The following DAB1 variants were observed in gnomAD, a reference collection of about 807,000 sequenced individuals.
DAB1 encodes the protein disabled homolog 1.
In DAB1, 15 loss-of-function variants were observed where a neutral mutation model predicts 64.6. That is an observed-to-expected ratio of 0.23 (90% CI 0.16 to 0.36). DAB1 has a LOEUF of 0.36. Ranked by LOEUF, DAB1 falls within the 10% of genes least tolerant of loss-of-function variation. The pLI, the probability that DAB1 is intolerant of heterozygous loss-of-function variation, is 1.00. For missense variants in DAB1, 596 were observed against 706.7 expected, an observed-to-expected ratio of 0.84 and a Z score of 1.78; for synonymous variants, 235 against 251.9, an observed-to-expected ratio of 0.93 and a Z score of 0.64.
intron 6 of DAB1, among the ~76,000 whole-genome samples, chr1:57,813,369 T>C (rs1453868959): frequency 6.6e-6 from 1 of 152,224 alleles, no homozygotes; most frequent in Non-Finnish European, 1.5e-5. Flanking sequence ...CAAAGACTCA[T>C]TCATCATCAT....
chr1:58,248,916 A>G (rs543980531), intron 4 of DAB1, among the ~76,000 whole-genome samples: 262 of 152,254 alleles, frequency 1.7e-3, no homozygotes, highest in African/African-American at 6.1e-3. Context: ...GCATTCTCGG[A>G]AGGCACAGTA....
chr1:57,071,689 C>G, intron 5 of DAB1, 48 bp from the exon 6 acceptor site: 8 of 1,569,162 alleles, frequency 5.1e-6, no homozygotes, highest in Non-Finnish European at 6.8e-6. Context: ...GGTACTGAGA[C>G]GCAGCAACAA....
intron 6 of DAB1, among the ~76,000 whole-genome samples, chr1:57,743,409 C>T (rs963069812): frequency 6.6e-6 from 1 of 152,174 alleles, no homozygotes; most frequent in African/African-American, 2.4e-5. Flanking sequence ...TTAACTTCAC[C>T]ACCTATCCCC....
At chr1:58,067,342 C>T (rs1648918629) in intron 5 of DAB1, among the ~76,000 whole-genome samples, 4 of 152,214 alleles carry the variant, frequency 2.6e-5, no homozygotes, top group African/African-American at 7.2e-5. Flanking sequence ...AATGAATGAG[C>T]TTCTCTGATA....
chr1:57,354,329 T>C (rs1038881480), intron 1 of DAB1, among the ~76,000 whole-genome samples: 2 of 152,250 alleles, frequency 1.3e-5, no homozygotes, highest in African/African-American at 4.8e-5. Context: ...TAAAAATCAA[T>C]CAATCCTAAT....
intron 4 of DAB1, among the ~76,000 whole-genome samples, chr1:57,081,805 T>C (rs1652581156): frequency 6.6e-6 from 1 of 152,098 alleles, no homozygotes; most frequent in Admixed American, 6.6e-5. Context: ...CTAATTAATA[T>C]TGGAATTATA....
At chr1:58,040,378 T>C (rs1647116578) in intron 5 of DAB1, among the ~76,000 whole-genome samples, 1 of 152,230 alleles carries the variant, frequency 6.6e-6, no homozygotes, top group African/African-American at 2.4e-5. Context: ...TTCAGGGATA[T>C]AGACGGGGTT....
chr1:57,414,337 A>C (rs1025430668), intron 1 of DAB1, among the ~76,000 whole-genome samples: 9 of 152,236 alleles, frequency 5.9e-5, no homozygotes, highest in Admixed American at 5.9e-4. Context: ...GTAGCCACCA[A>C]CATTGAGGTA....
intron 1 of DAB1, chr1:58,539,221 C>T: frequency 1.1e-6 from 1 of 872,268 alleles, no homozygotes; most frequent in Non-Finnish European, 2.0e-6. Context: ...ACATTTTCTC[C>T]AGTTAGACAG....
chr1:57,057,695 C>T (rs1224563272), intron 9 of DAB1, among the ~76,000 whole-genome samples: 1 of 151,104 alleles, frequency 6.6e-6, no homozygotes, highest in East Asian at 2.0e-4. Flanking sequence ...GCAAGCTCTG[C>T]CTCCCGGGTT....
chr1:57,966,023 G>A (rs1349014162), intron 5 of DAB1, among the ~76,000 whole-genome samples: 1 of 152,062 alleles, frequency 6.6e-6, no homozygotes, highest in Non-Finnish European at 1.5e-5. Flanking sequence ...ATCTTGCCTA[G>A]CTCACAAATG....
chr1:57,077,827 T>C (rs1397211813), intron 4 of DAB1, among the ~76,000 whole-genome samples: 2 of 152,102 alleles, frequency 1.3e-5, no homozygotes, highest in Non-Finnish European at 2.9e-5. Context: ...TTCATATTAT[T>C]AGTATGTGTG....
chr1:57,388,378 T>A (rs1682061371), intron 1 of DAB1, among the ~76,000 whole-genome samples: 1 of 152,168 alleles, frequency 6.6e-6, no homozygotes, highest in East Asian at 1.9e-4. Context: ...ATCTCCTCCC[T>A]CAGAGTCCCA....
intron 4 of DAB1, among the ~76,000 whole-genome samples, chr1:57,074,280 G>A (rs1342328906): frequency 6.6e-6 from 1 of 152,168 alleles, no homozygotes; most frequent in Non-Finnish European, 1.5e-5. Context: ...TAGGAAAATG[G>A]ATGATTACAA....
chr1:57,412,578 C>A (rs975522183), intron 1 of DAB1, among the ~76,000 whole-genome samples: 1 of 152,156 alleles, frequency 6.6e-6, no homozygotes, highest in Non-Finnish European at 1.5e-5. Flanking sequence ...AGAGAAATAT[C>A]CTGATAGTGG....
At chr1:57,242,936 A>G (rs1292825146) in intron 2 of DAB1, among the ~76,000 whole-genome samples, 1 of 152,194 alleles carries the variant, frequency 6.6e-6, no homozygotes, top group Non-Finnish European at 1.5e-5. Context: ...TTCAAGGGCA[A>G]TTTTAGATCA....
chr1:58,050,018 A>T (rs913143405), intron 5 of DAB1, among the ~76,000 whole-genome samples: 2 of 152,218 alleles, frequency 1.3e-5, no homozygotes, highest in Non-Finnish European at 2.9e-5. Context: ...GTGATATTAA[A>T]TGGAGACCAT....
intron 4 of DAB1, among the ~76,000 whole-genome samples, chr1:58,315,030 C>G (rs1476281309): frequency 1.3e-5 from 2 of 152,200 alleles, no homozygotes; most frequent in African/African-American, 4.8e-5. Context: ...AATAGTGCTG[C>G]TCAAGGTGTG....
intron 4 of DAB1, among the ~76,000 whole-genome samples, chr1:58,233,473 G>C (rs537015911): frequency 4.5e-4 from 68 of 152,316 alleles, no homozygotes; most frequent in Admixed American, 1.2e-3. Flanking sequence ...TCTACAATGA[G>C]ATGCCTGAGG....
Sources: gnomAD v4.1 joint callset for allele counts (sites outside exome capture counted in the v4.1 genomes callset) on GRCh38, gnomAD v4.1.1 for gene constraint, MANE v1.5 for transcripts, NCBI Gene and HGNC (gene_info 2026-07-23, HGNC 2026-07-21) for gene names.